The following ZNF609 variants were observed in gnomAD, a reference collection of about 807,000 sequenced individuals.
ZNF609 encodes the protein zinc finger protein 609.
Under a neutral mutation model 109.5 loss-of-function variants are expected in ZNF609, and 11 were observed. That is an observed-to-expected ratio of 0.10 (90% CI 0.06 to 0.17). The LOEUF (loss-of-function observed/expected upper bound fraction) is 0.17. ZNF609 is among the 10% of genes least tolerant of loss of function. The pLI, the probability that ZNF609 is intolerant of heterozygous loss-of-function variation, is 1.00. For synonymous variants in ZNF609, 646 were observed against 662.0 expected (o/e 0.98, Z 0.37); for missense variants, 1,559 against 1,772.4 (o/e 0.88, Z 2.16).
chr15:64,488,499 C>A (rs1377259695), intron 1 of ZNF609, among the ~76,000 whole-genome samples: 1 of 152,158 alleles, frequency 6.6e-6, no homozygotes, highest in Admixed American at 6.6e-5. Flanking sequence ...ATCCTTGAAG[C>A]AAAATGGTGG....
chr15:64,481,581 A>G (rs1278892398), intron 1 of ZNF609, among the ~76,000 whole-genome samples: 1 of 151,660 alleles, frequency 6.6e-6, no homozygotes, highest in East Asian at 2.0e-4. Flanking sequence ...CGGCCTCCCA[A>G]AGTGCTGGGA....
At chr15:64,518,236 A>C (rs1893842563) in intron 2 of ZNF609, among the ~76,000 whole-genome samples, 2 of 152,198 alleles carry the variant, frequency 1.3e-5, no homozygotes, top group Non-Finnish European at 2.9e-5. Flanking sequence ...GGTGATGGAG[A>C]TCTCTAACCT....
In ZNF609 at chr15:64,675,991, T is replaced by C. The variant is rs750196624; in HGVS notation, c.3137T>C (p.Ile1046Thr). The part of the protein sequence containing the change: ...LKEEWKQKPS[I>T]PPTLTKAPSL... ...GAAGAGTGGAAGCAAAAGCCGTCAA[T>C]TCCACCAACTCTCACCAAGGCCCCC... The change falls in exon 5 of 10, where the codon ATT becomes ACT. Residue 1046 changes from isoleucine (I) to threonine (T), a missense_variant. By Grantham distance (89) the Ile-to-Thr change is moderately conservative (BLOSUM62 -1). Transcript: ENST00000326648. 5.0e-6 allele frequency: 8 copies of C among 1,614,064 alleles called. No individual in the cohort carries two copies. In the African/African-American group the frequency reaches 8.0e-5, roughly 16 times the overall value.
At chr15:64,612,862 AAAATT>A (rs1895739659) in intron 2 of ZNF609, among the ~76,000 whole-genome samples, 1 of 152,006 alleles carries the variant, frequency 6.6e-6, no homozygotes, top group Non-Finnish European at 1.5e-5. Context: ...TAAAAATACA[AAAATT>A]AGCCAGGTGT....
chr15:64,622,829 G>A lies in ZNF609; in HGVS notation c.750G>A (p.Met250Ile). 6.2e-7 allele frequency: 1 copy of A among 1,614,098 alleles called. No individual in the cohort carries two copies. The highest frequency in any genetic ancestry group is 8.5e-7 in the Non-Finnish European group (1 of 1,179,918). ...ACTACTTTTTCTTCCCTCCACAGATGGAGTCCCCTGTTTCCACACCAGCAG... is the reference window on the plus strand; with the variant it reads ...ACTACTTTTTCTTCCCTCCACAGATAGAGTCCCCTGTTTCCACACCAGCAG... ...RLLKKVKSEK[M>I]ESPVSTPAVL... is the part of the protein sequence containing the mutation. Residue 250 changes from methionine (M) to isoleucine (I), a missense_variant and splice_region_variant, in exon 3 of 10, where the codon ATG becomes ATA. Coordinates refer to ENST00000326648, the MANE Select transcript of ZNF609 (RefSeq NM_015042.2).
At chr15:64,537,053 T>C (rs1203634656) in intron 2 of ZNF609, among the ~76,000 whole-genome samples, 2 of 150,508 alleles carry the variant, frequency 1.3e-5, no homozygotes, top group East Asian at 3.9e-4. Flanking sequence ...CGAAACCCCG[T>C]CTCTACTAAA....
chr15:64,561,923 A>G (rs1782418833), intron 2 of ZNF609, among the ~76,000 whole-genome samples: 1 of 152,210 alleles, frequency 6.6e-6, no homozygotes, highest in Non-Finnish European at 1.5e-5. Flanking sequence ...TTGTTAAGCT[A>G]CCTTGAGAAC....
chr15:64,568,801 G>T (rs563828594), intron 2 of ZNF609, among the ~76,000 whole-genome samples: 1 of 152,304 alleles, frequency 6.6e-6, no homozygotes, highest in East Asian at 1.9e-4. Context: ...AATAAGATAT[G>T]TTAACTGTGG....
chr15:64,481,966 G>A (rs1386171877), intron 1 of ZNF609, among the ~76,000 whole-genome samples: 1 of 151,962 alleles, frequency 6.6e-6, no homozygotes. Flanking sequence ...TATATTTTTA[G>A]CAGAGATGGG....
intron 2 of ZNF609, among the ~76,000 whole-genome samples, chr15:64,564,735 A>G (rs866604042): frequency 6.6e-6 from 1 of 152,136 alleles, no homozygotes; most frequent in Admixed American, 6.5e-5. Flanking sequence ...TTATTAAACC[A>G]GATACGTATA....
intron 2 of ZNF609, among the ~76,000 whole-genome samples, chr15:64,525,103 T>G (rs1003210465): frequency 6.6e-6 from 1 of 152,234 alleles, no homozygotes; most frequent in African/African-American, 2.4e-5. Context: ...GCTTATGTGC[T>G]TGTATATCTT....
intron 2 of ZNF609, among the ~76,000 whole-genome samples, chr15:64,506,244 TC>T (rs989221237): frequency 2.0e-5 from 3 of 150,900 alleles, no homozygotes; most frequent in Admixed American, 1.3e-4. Flanking sequence ...TGCCTTAACC[TC>T]CAGAGTAGCT....
intron 2 of ZNF609, chr15:64,501,587 A>G (rs1398904952): frequency 6.6e-6 from 1 of 152,192 alleles, no homozygotes; most frequent in Non-Finnish European, 1.5e-5. Flanking sequence ...TCGGGTACAG[A>G]TGGATAATAC....
intron 2 of ZNF609, chr15:64,593,308 C>G: frequency 7.2e-7 from 1 of 1,384,376 alleles, no homozygotes; most frequent in Non-Finnish European, 1.0e-6. Flanking sequence ...CCCCACGTCC[C>G]CCACCAAAGC....
intron 4 of ZNF609, among the ~76,000 whole-genome samples, chr15:64,673,277 C>A (rs1595760048): frequency 6.6e-6 from 1 of 152,288 alleles, no homozygotes; most frequent in African/African-American, 2.4e-5. Context: ...AGAGTCAAAA[C>A]CATCTTTAGA....
At chr15:64,615,906 C>G (rs1185349574) in intron 2 of ZNF609, among the ~76,000 whole-genome samples, 1 of 152,212 alleles carries the variant, frequency 6.6e-6, no homozygotes, top group Non-Finnish European at 1.5e-5. Flanking sequence ...CTTAGAACTA[C>G]TGCTGTTATC....
intron 1 of ZNF609, among the ~76,000 whole-genome samples, chr15:64,467,282 G>A (rs1345188066): frequency 6.6e-6 from 1 of 152,154 alleles, no homozygotes; most frequent in Admixed American, 6.5e-5. Flanking sequence ...TTAGTGTCTG[G>A]CCAACTTCTT....
intron 3 of ZNF609, among the ~76,000 whole-genome samples, chr15:64,648,272 G>A (rs1046097100): frequency 2.6e-5 from 4 of 152,168 alleles, no homozygotes; most frequent in Admixed American, 1.3e-4. Flanking sequence ...GATCGCTTGA[G>A]CCCATAAGTT....
chr15:64,660,719 G>A (rs114000026), intron 3 of ZNF609, among the ~76,000 whole-genome samples: 12 of 152,086 alleles, frequency 7.9e-5, no homozygotes, highest in African/African-American at 1.9e-4. Context: ...TCTTCCGAAC[G>A]TGCCATGTGC....
Sources: allele counts gnomAD v4.1 joint callset (sites outside exome capture counted in the v4.1 genomes callset), GRCh38; gene constraint gnomAD v4.1.1; transcripts MANE v1.5; gene names NCBI Gene and HGNC (gene_info 2026-07-23, HGNC 2026-07-21).